The following BNC2 variants were observed in gnomAD, a reference collection of about 807,000 sequenced individuals.
BNC2 encodes zinc finger protein basonuclin-2.
Under a neutral mutation model 76.3 loss-of-function variants are expected in BNC2, and 20 were observed. The ratio of observed to expected loss-of-function variants is 0.26; its 90% CI spans 0.18 to 0.38. The LOEUF is 0.38. Among genes scored for constraint, BNC2 ranks in the 10% least tolerant of loss-of-function variants. The pLI is 1.00. For missense variants in BNC2, 1,382 were observed against 1,399.8 expected (o/e 0.99, Z 0.20); for synonymous variants, 582 against 514.8 (o/e 1.13, Z -1.77).
At chr9:16,738,976 G>C (rs563493735) in intron 1 of BNC2, among the ~76,000 whole-genome samples, 48 of 150,546 alleles carry the variant, frequency 3.2e-4, no homozygotes, top group Non-Finnish European at 5.8e-4. Context: ...AATAGGAAAA[G>C]AAACAAGAGC....
chr9:16,647,164 T>G (rs1821652871), intron 3 of BNC2, among the ~76,000 whole-genome samples: 1 of 152,184 alleles, frequency 6.6e-6, no homozygotes, highest in Admixed American at 6.5e-5. Flanking sequence ...TCCTGATGTC[T>G]ATCAGCCCTT....
intron 3 of BNC2, among the ~76,000 whole-genome samples, chr9:16,647,510 CAG>C (rs757928723): frequency 2.6e-5 from 4 of 152,040 alleles, no homozygotes; most frequent in African/African-American, 4.8e-5. Context: ...GCATAGAATG[CAG>C]AGAGAGTTTT....
intron 5 of BNC2, among the ~76,000 whole-genome samples, chr9:16,533,693 A>C (rs1818049150): frequency 6.6e-6 from 1 of 152,202 alleles, no homozygotes; most frequent in Non-Finnish European, 1.5e-5. Flanking sequence ...TATAAACTTA[A>C]AACAAACATT....
intron 3 of BNC2, among the ~76,000 whole-genome samples, chr9:16,649,964 A>C (rs995292347): frequency 1.3e-5 from 2 of 152,172 alleles, no homozygotes; most frequent in African/African-American, 4.8e-5. Context: ...GGAACATTAA[A>C]TTCTCACCCA....
In BNC2 at chr9:16,418,755, C is replaced by A; in HGVS notation, c.*234G>T. ...TGTTTTCACCCTGAAATCAAAGATCCCACTCCTTTCCCAAAACTATAAAGG... is the reference window on the plus strand; with the variant it reads ...TGTTTTCACCCTGAAATCAAAGATCACACTCCTTTCCCAAAACTATAAAGG... On this transcript the variant is annotated 3_prime_UTR_variant, in exon 7 of 7. Transcript: ENST00000380672. 1 of 510,252 alleles carries A rather than the reference C, an allele frequency of 2.0e-6. No individual in the cohort carries two copies. The highest frequency in any genetic ancestry group is 3.5e-6 in the Non-Finnish European group (1 of 285,172). The allele number at this position is 510,252 out of a possible 1,614,324, so 31.6% of individuals were successfully genotyped here. A position where few individuals can be genotyped will look rare whatever the true frequency, so the allele number is the denominator to read the frequency against.
At chr9:16,541,330 G>T (rs780554914) in intron 5 of BNC2, among the ~76,000 whole-genome samples, 3 of 152,172 alleles carry the variant, frequency 2.0e-5, no homozygotes, top group Non-Finnish European at 2.9e-5. Context: ...CGGTTTCCCT[G>T]GCTCAGCTAT....
At chr9:16,492,403 A>ATTT (rs1822297057) in intron 5 of BNC2, among the ~76,000 whole-genome samples, 1 of 152,176 alleles carries the variant, frequency 6.6e-6, no homozygotes, top group African/African-American at 2.4e-5. Context: ...ACATTTCTAT[A>ATTT]TTTTCAGCTA....
intron 1 of BNC2, among the ~76,000 whole-genome samples, chr9:16,775,243 G>A (rs988259731): frequency 2.0e-5 from 3 of 152,062 alleles, no homozygotes; most frequent in African/African-American, 7.2e-5. Flanking sequence ...GAGATTCATG[G>A]CATCTTTTGA....
chr9:16,546,159 A>G (rs1359891764), intron 5 of BNC2, among the ~76,000 whole-genome samples: 2 of 152,338 alleles, frequency 1.3e-5, no homozygotes, highest in African/African-American at 4.8e-5. Flanking sequence ...TAAGTGAAAA[A>G]ATGCCAATTT....
At chr9:16,669,177 T>A (rs1822394644) in intron 3 of BNC2, among the ~76,000 whole-genome samples, 1 of 152,232 alleles carries the variant, frequency 6.6e-6, no homozygotes, top group Non-Finnish European at 1.5e-5. Context: ...ATTGTACGTA[T>A]TGATTGGAGC....
At chr9:16,499,561 ACT>A (rs1822475837) in intron 5 of BNC2, among the ~76,000 whole-genome samples, 2 of 125,710 alleles carry the variant, frequency 1.6e-5, no homozygotes, top group African/African-American at 6.2e-5. Flanking sequence ...ACAGAGTCTC[ACT>A]CTGTTGTCCA....
intron 5 of BNC2, among the ~76,000 whole-genome samples, chr9:16,480,192 G>GA: frequency 6.6e-6 from 1 of 152,320 alleles, no homozygotes; most frequent in East Asian, 1.9e-4. Flanking sequence ...ACAAGTGGCA[G>GA]AAATGGGATT....
intron 3 of BNC2, among the ~76,000 whole-genome samples, chr9:16,585,132 C>A (rs1819733234): frequency 6.6e-6 from 1 of 151,974 alleles, no homozygotes; most frequent in Admixed American, 6.6e-5. Flanking sequence ...TTTGTATTGT[C>A]TTTAAAGCAC....
At chr9:16,594,958 G>A (rs1409823369) in intron 3 of BNC2, among the ~76,000 whole-genome samples, 1 of 152,160 alleles carries the variant, frequency 6.6e-6, no homozygotes, top group Non-Finnish European at 1.5e-5. Context: ...CAAAAAGGGA[G>A]AGGGATGGGT....
chr9:16,671,333 T>C (rs1822471552), intron 3 of BNC2, among the ~76,000 whole-genome samples: 2 of 151,992 alleles, frequency 1.3e-5, no homozygotes, highest in Admixed American at 1.3e-4. Flanking sequence ...GGTGAAGCAA[T>C]GAAATAACTC....
intron 5 of BNC2, among the ~76,000 whole-genome samples, chr9:16,546,299 G>C (rs1423484470): frequency 6.6e-6 from 1 of 152,178 alleles, no homozygotes; most frequent in Non-Finnish European, 1.5e-5. Flanking sequence ...TAAAGATTAA[G>C]AAACTATGAC....
chr9:16,673,890 A>G (rs1563892236), intron 3 of BNC2, among the ~76,000 whole-genome samples: 1 of 152,224 alleles, frequency 6.6e-6, no homozygotes, highest in Non-Finnish European at 1.5e-5. Flanking sequence ...TAAAAAATGA[A>G]GTGACTGTTA....
chr9:16,450,060 T>A (rs1312310707), intron 5 of BNC2, among the ~76,000 whole-genome samples: 1 of 152,188 alleles, frequency 6.6e-6, no homozygotes, highest in Non-Finnish European at 1.5e-5. Flanking sequence ...ATCTTTGTAA[T>A]TGAGAACAGA....
intron 3 of BNC2, among the ~76,000 whole-genome samples, chr9:16,716,135 T>A (rs909078648): frequency 1.3e-5 from 2 of 152,230 alleles, no homozygotes; most frequent in Non-Finnish European, 2.9e-5. Flanking sequence ...CAGATTTTGT[T>A]CCTTCACATG....
Sources: gnomAD v4.1 joint callset for allele counts (sites outside exome capture counted in the v4.1 genomes callset) on GRCh38, gnomAD v4.1.1 for gene constraint, MANE v1.5 for transcripts, NCBI Gene and HGNC (gene_info 2026-07-23, HGNC 2026-07-21) for gene names.